Variants in GYPB observed in about 807,000 individuals in gnomAD.
GYPB encodes glycophorin-B.
GYPB carries 13 observed loss-of-function variants against 15.3 expected under a neutral mutation model. The observed-to-expected ratio is 0.85, with a 90% CI of 0.55 to 1.35. GYPB has a LOEUF of 1.35. Among genes scored for constraint, GYPB ranks in the 40% most tolerant of loss-of-function variants. GYPB has a pLI of 0.00. For missense variants in GYPB, 131 were observed against 108.3 expected, an observed-to-expected ratio of 1.21 and a Z score of -0.93; for synonymous variants, 38 against 36.9, an observed-to-expected ratio of 1.03 and a Z score of -0.11.
Position 144,001,274 on chromosome 4 carries a change from C to T in GYPB, c.47G>A (p.Ser16Asn), listed in dbSNP as rs771273446. The T allele has an allele frequency of 2.5e-6, 4 of 1,612,884 alleles. No homozygotes were observed. Among genetic ancestry groups the T allele is most frequent in the East Asian group, 2.2e-5 (1 of 44,876 alleles). The change falls in exon 2 of 5, where the codon AGC (serine) becomes AAC (asparagine). Residue 16 changes from serine to asparagine, a missense_variant. By Grantham distance (46) the Ser-to-Asn change is conservative. Coordinates refer to ENST00000502664, the MANE Select transcript of GYPB (RefSeq NM_002100.6). ...IFVLLLSEIVSISALSTTEVA... is the reference protein window; with the variant it reads ...IFVLLLSEIVNISALSTTEVA... ...CTCAGTGGTACTTAATGCTGATATG[C>T]TCACAATTTCTGTATAAAATAGAAG...
At chr4:144,016,993 T>G in intron 1 of GYPB, 1 of 366,992 alleles carries the variant, frequency 2.7e-6, no homozygotes, top group South Asian at 2.3e-5. Flanking sequence ...TGGTTTTATA[T>G]GCTTTGTATT....
At chr4:143,995,521 C>T (rs1418388361), downstream of GYPB, among the ~76,000 whole-genome samples, 1 of 151,290 alleles carries the variant, frequency 6.6e-6, no homozygotes, top group Non-Finnish European at 1.5e-5. Context: ...TTAACCTGTC[C>T]TTTCTGAGGC....
At chr4:144,016,128 T>C (rs1453095521) in intron 1 of GYPB, among the ~76,000 whole-genome samples, 2 of 122,326 alleles carry the variant, frequency 1.6e-5, no homozygotes. Context: ...AAGGCTCTCT[T>C]CTTGGATCCC....
At chr4:144,018,427 C>T (rs1441088009) in intron 1 of GYPB, among the ~76,000 whole-genome samples, 2 of 151,044 alleles carry the variant, frequency 1.3e-5, no homozygotes, top group Admixed American at 6.6e-5. Flanking sequence ...CTTGCGCTCA[C>T]TTGGGTTACA....
chr4:144,002,454 G>C (rs559271006), intron 1 of GYPB: 1 of 439,726 alleles, frequency 2.3e-6, no homozygotes, highest in African/African-American at 2.1e-5. Flanking sequence ...TCCATTGTAT[G>C]AATGTTCTGT....
At chr4:144,006,014 A>T (rs1444985) in intron 1 of GYPB, among the ~76,000 whole-genome samples, 147,883 of 151,182 alleles carry the variant, frequency 0.98, 72,584 homozygotes, top group South Asian at 1. Context: ...GAGTTTAATG[A>T]TTAAGTGGCA....
Position 144,003,317 on chromosome 4 carries a change from G to A in GYPB, c.38-2034C>T, listed in dbSNP as rs111406666. 3.1e-3 allele frequency among the ~76,000 whole-genome samples: 466 copies of A among 151,432 alleles called. 26 individuals carry two copies. Among genetic ancestry groups the A allele is most frequent in the African/African-American group, 0.011 (445 of 40,748 alleles). On this transcript the variant is annotated intron_variant, in intron 1 of 4. Coordinates refer to ENST00000502664, the MANE Select transcript of GYPB (RefSeq NM_002100.6). ...CTTAGGGGAAAAAAAACATGCGGGAGCTTTGCAGTAGAGGGTCCCATCTTG... is the reference window on the plus strand; with the variant it reads ...CTTAGGGGAAAAAAAACATGCGGGAACTTTGCAGTAGAGGGTCCCATCTTG...
At position 143,997,544 on chromosome 4, in the gene GYPB, A is replaced by G. The variant is rs776339113; in HGVS notation, c.266T>C (p.Ile89Thr). ...LLISYSIRRL[I>T]KA is the part of the protein sequence containing the mutation. ...AATTAAAAACTGAATTCTCACCTTT[A>G]TCAGTCGGCGAATACTGTAAGAAAT... Residue 89 changes from isoleucine (I) to threonine (T), a missense_variant, in exon 4 of 5, where the codon ATA (isoleucine) becomes ACA (threonine). Physicochemically the swap from Ile to Thr is moderately conservative, Grantham distance 89. Transcript: ENST00000502664. 12 of 1,559,958 alleles carry G rather than the reference A, an allele frequency of 7.7e-6. No individual in the cohort carries two copies. The East Asian group carries it at 2.7e-4, about 35-fold the overall frequency.
chr4:144,014,352 A>C (rs1430469483), intron 1 of GYPB, among the ~76,000 whole-genome samples: 1 of 151,804 alleles, frequency 6.6e-6, no homozygotes, highest in Non-Finnish European at 1.5e-5. Context: ...ATTTTAATCA[A>C]ATGATGGATC....
At chr4:144,005,456 A>T (rs1256385177) in intron 1 of GYPB, among the ~76,000 whole-genome samples, 26 of 152,012 alleles carry the variant, frequency 1.7e-4, no homozygotes, top group African/African-American at 6.3e-4. Flanking sequence ...TTTTAATAAA[A>T]ACCATGTGGT....
intron 1 of GYPB, among the ~76,000 whole-genome samples, chr4:144,005,919 T>C (rs1159272806): frequency 6.6e-6 from 1 of 151,364 alleles, no homozygotes; most frequent in Non-Finnish European, 1.5e-5. Flanking sequence ...GGCTAACATA[T>C]GGAGAAAGGG....
chr4:144,002,611 C>T, intron 1 of GYPB: 1 of 1,287,236 alleles, frequency 7.8e-7, no homozygotes, highest in Non-Finnish European at 1.0e-6. Flanking sequence ...AGGGGAATGG[C>T]ACCCAAGTGC....
chr4:144,014,111 C>T (rs1489946870), intron 1 of GYPB, among the ~76,000 whole-genome samples: 1 of 151,624 alleles, frequency 6.6e-6, no homozygotes, highest in African/African-American at 2.4e-5. Flanking sequence ...CAATTTCTGG[C>T]AAGACTGTGG....
intron 1 of GYPB, chr4:144,016,918 CAG>C (rs1254512249): frequency 8.7e-6 from 3 of 346,626 alleles, no homozygotes; most frequent in African/African-American, 6.4e-5. Flanking sequence ...GTCATCTACT[CAG>C]AAAATAACTC....
intron 1 of GYPB, among the ~76,000 whole-genome samples, chr4:144,018,904 TA>T (rs1181476557): frequency 6.6e-6 from 1 of 151,506 alleles, no homozygotes; most frequent in Admixed American, 6.6e-5. Flanking sequence ...AATAACTCTT[TA>T]GTTTGGAAAT....
intron 1 of GYPB, among the ~76,000 whole-genome samples, chr4:144,005,821 A>T (rs1402516089): frequency 6.6e-6 from 1 of 151,454 alleles, no homozygotes; most frequent in South Asian, 2.1e-4. Flanking sequence ...CCCCATGCCT[A>T]CTTGCAAATG....
At chr4:144,003,127 CAATT>C (rs551135085) in intron 1 of GYPB, among the ~76,000 whole-genome samples, 20 of 151,422 alleles carry the variant, frequency 1.3e-4, no homozygotes, top group Non-Finnish European at 2.1e-4. Flanking sequence ...TTTTATGAGT[CAATT>C]AAAGTATGTA....
rs948729421 is a variant in GYPB at position 144,010,668 on chromosome 4, C to G, written c.37+8583G>C. Among the ~76,000 whole-genome samples, 11 of 151,364 alleles carry G rather than the reference C, an allele frequency of 7.3e-5. No individual in the cohort carries two copies. The South Asian group carries it at 1.0e-3, about 14-fold the overall frequency. Reference sequence around the variant, plus strand: ...CCTGATGAACCTGGTTATACCCTATCTGAATACCTGGCTGCCAGATCAATA... The same window carrying G: ...CCTGATGAACCTGGTTATACCCTATGTGAATACCTGGCTGCCAGATCAATA... On this transcript the variant is annotated intron_variant, in intron 1 of 4. Transcript: ENST00000502664.
intron 1 of GYPB, among the ~76,000 whole-genome samples, chr4:144,004,219 C>T (rs1727765992): frequency 6.6e-6 from 1 of 151,822 alleles, no homozygotes; most frequent in Admixed American, 6.5e-5. Context: ...CATATAAATG[C>T]CCTAAAGATA....
Sources: gnomAD v4.1 joint callset for allele counts (sites outside exome capture counted in the v4.1 genomes callset) on GRCh38, gnomAD v4.1.1 for gene constraint, MANE v1.5 for transcripts, NCBI Gene and HGNC (gene_info 2026-07-23, HGNC 2026-07-21) for gene names.